Variants in RAD51B observed in about 807,000 individuals in gnomAD.
RAD51B encodes RAD51 paralog B.
A neutral mutation model predicts 42.2 loss-of-function variants in RAD51B; 38 were observed. The ratio of observed to expected loss-of-function variants is 0.90; its 90% CI spans 0.70 to 1.18. RAD51B has a LOEUF of 1.18. Ranked by LOEUF, RAD51B falls within the 50% of genes most tolerant of loss-of-function variation. The pLI is 0.00. For missense variants in RAD51B, 373 were observed against 400.7 expected (o/e 0.93, Z 0.59); for synonymous variants, 154 against 145.2 (o/e 1.06, Z -0.43).
At chr14:68,072,070 A>AATTATATATATTT (rs2076754027) in intron 7 of RAD51B, among the ~76,000 whole-genome samples, 67 of 104,698 alleles carry the variant, frequency 6.4e-4, no homozygotes, top group African/African-American at 2.5e-3. Context: ...TATTTATATA[A>AATTATATATATTT]ATATATAAAT....
At chr14:67,896,928 A>G (rs2043440382) in intron 7 of RAD51B, among the ~76,000 whole-genome samples, 1 of 152,244 alleles carries the variant, frequency 6.6e-6, no homozygotes, top group African/African-American at 2.4e-5. Context: ...TAGAGAGCCC[A>G]GAAATAAACC....
At chr14:67,826,001 A>T (rs1342507729) in intron 3 of RAD51B, among the ~76,000 whole-genome samples, 1 of 152,168 alleles carries the variant, frequency 6.6e-6, no homozygotes, top group East Asian at 1.9e-4. Flanking sequence ...AAGTCCTGGG[A>T]TTACAGGCGT....
Position 68,074,058 on chromosome 14 carries a change from T to C in RAD51B, c.756+186854T>C, listed in dbSNP as rs904715218. ...GGCAGTTCTTTGAATTTTCTGAATT[T>C]GTATGTCAACCTCTCTAGTGAGGTT... is the stretch of plus-strand genomic sequence containing the variant. On this transcript the variant is annotated intron_variant, in intron 7 of 10. Transcript: ENST00000471583. Among the ~76,000 whole-genome samples the C allele has an allele frequency of 5.3e-5, 8 of 152,318 alleles. No homozygotes were observed. The South Asian group carries it at 1.0e-3, about 20-fold the overall frequency.
intron 8 of RAD51B, among the ~76,000 whole-genome samples, chr14:68,301,127 AT>A (rs970591664): frequency 1.3e-5 from 2 of 151,994 alleles, no homozygotes; most frequent in African/African-American, 4.8e-5. Flanking sequence ...TATGATGTTG[AT>A]TTTTTTTAAC....
At chr14:68,207,233 T>C (rs984217350) in intron 7 of RAD51B, among the ~76,000 whole-genome samples, 1 of 152,110 alleles carries the variant, frequency 6.6e-6, no homozygotes, top group Non-Finnish European at 1.5e-5. Flanking sequence ...CACATACATA[T>C]ATATATAAAT....
chr14:68,124,457 A>G (rs1345292071), intron 7 of RAD51B, among the ~76,000 whole-genome samples: 1 of 152,226 alleles, frequency 6.6e-6, no homozygotes, highest in Non-Finnish European at 1.5e-5. Flanking sequence ...GTACTCAGAT[A>G]TTTCATGTGA....
intron 7 of RAD51B, among the ~76,000 whole-genome samples, chr14:68,223,682 TA>T (rs1231201034): frequency 6.7e-6 from 1 of 149,642 alleles, no homozygotes; most frequent in African/African-American, 2.5e-5. Flanking sequence ...TTTTTTAAAA[TA>T]TTTTTTAAAA....
At chr14:67,888,907 A>G (rs2043139979) in intron 7 of RAD51B, among the ~76,000 whole-genome samples, 1 of 152,136 alleles carries the variant, frequency 6.6e-6, no homozygotes, top group African/African-American at 2.4e-5. Context: ...TTTTATTATT[A>G]ATTCATACTG....
chr14:68,154,447 CAG>C (rs2078456729), intron 7 of RAD51B, among the ~76,000 whole-genome samples: 1 of 152,234 alleles, frequency 6.6e-6, no homozygotes, highest in Non-Finnish European at 1.5e-5. Context: ...CTACTCCTCT[CAG>C]AGCATTCTTT....
intron 8 of RAD51B, among the ~76,000 whole-genome samples, chr14:68,379,359 C>T (rs1257013081): frequency 2.6e-5 from 4 of 152,056 alleles, no homozygotes; most frequent in African/African-American, 9.7e-5. Flanking sequence ...AGGATTTACT[C>T]AGAGACTGCC....
intron 11 of RAD51B, among the ~76,000 whole-genome samples, chr14:68,678,668 G>C (rs1378472278): frequency 6.6e-6 from 1 of 152,132 alleles, no homozygotes; most frequent in Admixed American, 6.5e-5. Flanking sequence ...CTTGTTCCAA[G>C]GCAGAGAGTG....
chr14:68,031,831 T>G (rs890263177), intron 7 of RAD51B, among the ~76,000 whole-genome samples: 1 of 152,212 alleles, frequency 6.6e-6, no homozygotes, highest in Non-Finnish European at 1.5e-5. Context: ...CTTCCTCATT[T>G]ACCATCAAAA....
intron 7 of RAD51B, among the ~76,000 whole-genome samples, chr14:68,266,532 C>T (rs1427088700): frequency 1.3e-5 from 2 of 152,186 alleles, no homozygotes; most frequent in Non-Finnish European, 2.9e-5. Flanking sequence ...AGAGAGTGAC[C>T]TTCCTGTTTC....
At chr14:67,824,426 T>G (rs1166646249) in intron 2 of RAD51B, among the ~76,000 whole-genome samples, 1 of 152,078 alleles carries the variant, frequency 6.6e-6, no homozygotes, top group African/African-American at 2.4e-5. Flanking sequence ...CCCAGCTAAT[T>G]TTTGGATTTT....
intron 7 of RAD51B, among the ~76,000 whole-genome samples, chr14:67,946,583 G>C (rs967909795): frequency 2.6e-5 from 4 of 152,216 alleles, no homozygotes; most frequent in African/African-American, 9.6e-5. Flanking sequence ...GGCCAGGCTG[G>C]TCTTGAACTC....
intron 9 of RAD51B, among the ~76,000 whole-genome samples, chr14:68,441,868 G>T (rs181544111): frequency 2.0e-5 from 3 of 152,268 alleles, no homozygotes; most frequent in African/African-American, 7.2e-5. Context: ...ATCAACGGGC[G>T]CTGGCCACAT....
chr14:68,108,732 G>A (rs2077414937), intron 7 of RAD51B, among the ~76,000 whole-genome samples: 1 of 151,810 alleles, frequency 6.6e-6, no homozygotes, highest in African/African-American at 2.4e-5. Context: ...TAAAAACACT[G>A]AATTATATAC....
At chr14:68,281,395 C>T (rs1181535890) in intron 7 of RAD51B, among the ~76,000 whole-genome samples, 1 of 152,158 alleles carries the variant, frequency 6.6e-6, no homozygotes, top group Non-Finnish European at 1.5e-5. Context: ...ACTCATTTAT[C>T]CTTAAATAGG....
chr14:68,035,049 T>C (rs1341531589), intron 7 of RAD51B, among the ~76,000 whole-genome samples: 1 of 152,206 alleles, frequency 6.6e-6, no homozygotes, highest in African/African-American at 2.4e-5. Context: ...CCTCTGGTTC[T>C]TTTGGACTCT....
Sources: allele counts gnomAD v4.1 joint callset (sites outside exome capture counted in the v4.1 genomes callset), GRCh38; gene constraint gnomAD v4.1.1; transcripts MANE v1.5; gene names NCBI Gene and HGNC (gene_info 2026-07-23, HGNC 2026-07-21).